Variants in CACNA2D3 observed in about 807,000 individuals in gnomAD.
The protein encoded by CACNA2D3 is calcium voltage-gated channel auxiliary subunit alpha2delta 3, also known as voltage-dependent calcium channel subunit alpha-2/delta-3.
In CACNA2D3, 60 loss-of-function variants were observed where a neutral mutation model predicts 160.6. The observed-to-expected ratio is 0.37, with a 90% CI of 0.30 to 0.46. The LOEUF is 0.46. Ranked by LOEUF, CACNA2D3 falls within the 20% of genes least tolerant of loss-of-function variation. The pLI is 1.00. For missense variants in CACNA2D3, 1,205 were observed against 1,365.0 expected, an observed-to-expected ratio of 0.88 and a Z score of 1.85; for synonymous variants, 558 against 492.9, an observed-to-expected ratio of 1.13 and a Z score of -1.75.
At chr3:54,267,315 G>A (rs1410764549) in intron 2 of CACNA2D3, among the ~76,000 whole-genome samples, 1 of 152,154 alleles carries the variant, frequency 6.6e-6, no homozygotes, top group African/African-American at 2.4e-5. Context: ...ATGCTCTTTA[G>A]TGAAAGTGAC....
At chr3:54,297,712 CAAAAA>C (rs5849037) in intron 2 of CACNA2D3, among the ~76,000 whole-genome samples, 6 of 116,238 alleles carry the variant, frequency 5.2e-5, no homozygotes, top group Admixed American at 8.7e-5. Flanking sequence ...TCCCCGCCAC[CAAAAA>C]AAAAAAAAAA....
chr3:55,009,367 G>A, intron 33 of CACNA2D3, 21 bp from the exon 34 acceptor site: 1 of 1,612,024 alleles, frequency 6.2e-7, no homozygotes, highest in Non-Finnish European at 8.5e-7. Flanking sequence ...GTAACATTGG[G>A]CTTTTCCACG....
intron 2 of CACNA2D3, among the ~76,000 whole-genome samples, chr3:54,281,690 T>G (rs1702885136): frequency 6.6e-6 from 1 of 152,224 alleles, no homozygotes. Flanking sequence ...TGGGAATAAA[T>G]AAATTATATT....
At chr3:54,923,669 A>T (rs1360421773) in intron 27 of CACNA2D3, among the ~76,000 whole-genome samples, 1 of 152,214 alleles carries the variant, frequency 6.6e-6, no homozygotes, top group East Asian at 1.9e-4. Context: ...ATAGAAATGA[A>T]TGAATCATGC....
intron 3 of CACNA2D3, among the ~76,000 whole-genome samples, chr3:54,372,266 A>G (rs1411824225): frequency 6.6e-6 from 1 of 152,186 alleles, no homozygotes; most frequent in Non-Finnish European, 1.5e-5. Context: ...TTAACTCACA[A>G]AGTGGCGTTT....
At chr3:54,536,231 T>C (rs1701887520) in intron 5 of CACNA2D3, among the ~76,000 whole-genome samples, 1 of 152,178 alleles carries the variant, frequency 6.6e-6, no homozygotes, top group Non-Finnish European at 1.5e-5. Flanking sequence ...GGTCATTATA[T>C]GTAGGGGGTG....
intron 13 of CACNA2D3, among the ~76,000 whole-genome samples, chr3:54,767,866 T>C (rs1403303789): frequency 2.6e-5 from 4 of 151,414 alleles, no homozygotes; most frequent in Non-Finnish European, 5.9e-5. Context: ...TTGTAACTTG[T>C]TGAATAAAAC....
chr3:54,888,343 T>C (rs1323699615), intron 24 of CACNA2D3, among the ~76,000 whole-genome samples: 1 of 152,168 alleles, frequency 6.6e-6, no homozygotes, highest in East Asian at 1.9e-4. Flanking sequence ...CTTCGTTGCC[T>C]GCCTCGCCAC....
At chr3:54,809,307 C>CTTTTTTTTTT (rs1417063441) in intron 13 of CACNA2D3, among the ~76,000 whole-genome samples, 7 of 86,250 alleles carry the variant, frequency 8.1e-5, no homozygotes, top group African/African-American at 1.6e-4. Flanking sequence ...TTCCTTCCTT[C>CTTTTTTTTTT]TTTCTTTTTT....
chr3:55,035,674 T>G (rs1559470100), intron 35 of CACNA2D3, among the ~76,000 whole-genome samples: 1 of 152,210 alleles, frequency 6.6e-6, no homozygotes, highest in Non-Finnish European at 1.5e-5. Flanking sequence ...GGGCTTCAAA[T>G]GCATGCTTAT....
chr3:54,397,308 C>T (rs1376207972), intron 4 of CACNA2D3, among the ~76,000 whole-genome samples: 1 of 51,968 alleles, frequency 1.9e-5, no homozygotes, highest in African/African-American at 8.2e-5. Flanking sequence ...TTTTGTGTCT[C>T]TATTTCCTTC....
chr3:54,982,852 C>T (rs762830079), intron 29 of CACNA2D3, among the ~76,000 whole-genome samples: 1 of 151,974 alleles, frequency 6.6e-6, no homozygotes, highest in Non-Finnish European at 1.5e-5. Context: ...GCAGTGAAGA[C>T]GACCAGAGGT....
chr3:54,968,350 T>G (rs1289157497), intron 27 of CACNA2D3, 100 bp from the exon 28 acceptor site: 1 of 754,606 alleles, frequency 1.3e-6, no homozygotes, highest in Non-Finnish European at 2.3e-6. Flanking sequence ...TTTATATGCT[T>G]ATATCAGCTT....
At chr3:54,829,867 T>TTTC (rs948183202) in intron 14 of CACNA2D3, among the ~76,000 whole-genome samples, 4 of 150,962 alleles carry the variant, frequency 2.6e-5, no homozygotes, top group East Asian at 1.9e-4. Flanking sequence ...CTGCATATCT[T>TTTC]TTCTTCTTCT....
At chr3:54,435,386 G>T (rs911669505) in intron 4 of CACNA2D3, among the ~76,000 whole-genome samples, 1 of 152,168 alleles carries the variant, frequency 6.6e-6, no homozygotes, top group Non-Finnish European at 1.5e-5. Flanking sequence ...CTAATGGGGA[G>T]CTGAGCTTAC....
chr3:54,296,573 C>G (rs9863977), intron 2 of CACNA2D3, among the ~76,000 whole-genome samples: 1 of 152,172 alleles, frequency 6.6e-6, no homozygotes, highest in African/African-American at 2.4e-5. Flanking sequence ...CTGTGTTTTC[C>G]AATTGCTCAC....
intron 13 of CACNA2D3, among the ~76,000 whole-genome samples, chr3:54,765,211 G>A (rs1702200614): frequency 6.6e-6 from 1 of 152,026 alleles, no homozygotes; most frequent in East Asian, 1.9e-4. Context: ...TGCACTTCTG[G>A]CAGCTACAGG....
intron 11 of CACNA2D3, among the ~76,000 whole-genome samples, chr3:54,693,378 A>C (rs1700603124): frequency 6.6e-6 from 1 of 152,244 alleles, no homozygotes; most frequent in Non-Finnish European, 1.5e-5. Flanking sequence ...ATGTTAGTGC[A>C]ACACATTACT....
intron 2 of CACNA2D3, among the ~76,000 whole-genome samples, chr3:54,289,438 C>T (rs1257851699): frequency 1.3e-5 from 2 of 152,114 alleles, no homozygotes; most frequent in African/African-American, 2.4e-5. Flanking sequence ...ACATTCCATG[C>T]TCATGGGTAG....
Sources: allele counts gnomAD v4.1 joint callset (sites outside exome capture counted in the v4.1 genomes callset), GRCh38; gene constraint gnomAD v4.1.1; transcripts MANE v1.5; gene names NCBI Gene and HGNC (gene_info 2026-07-23, HGNC 2026-07-21).